Variants in MEG3 observed in about 807,000 individuals in gnomAD.
MEG3 encodes the protein maternally expressed 3.
chr14:100,842,448 C>T (rs1031330990), intron 2 of MEG3, among the ~76,000 whole-genome samples: 1 of 152,198 alleles, frequency 6.6e-6, no homozygotes, highest in African/African-American at 2.4e-5. Flanking sequence ...CCAATTACCT[C>T]TCCTATTTTC....
intron 2 of MEG3, among the ~76,000 whole-genome samples, chr14:100,842,580 A>G (rs1197966384): frequency 6.6e-6 from 1 of 152,222 alleles, no homozygotes; most frequent in Non-Finnish European, 1.5e-5. Context: ...ACAGGTAGGA[A>G]GTACGAGATC....
intron 2 of MEG3, among the ~76,000 whole-genome samples, chr14:100,844,693 T>C (rs913395311): frequency 1.3e-5 from 2 of 152,222 alleles, no homozygotes; most frequent in East Asian, 1.9e-4. Flanking sequence ...CCTGTGGGTC[T>C]TGACAAATGT....
Position 100,845,662 on chromosome 14 carries a change from G to A in MEG3, n.3121+129G>A, listed in dbSNP as rs558834311. 15 of 343,052 alleles carry A rather than the reference G, an allele frequency of 4.4e-5. No individual in the cohort carries two copies. The highest frequency in any genetic ancestry group is 1.9e-4 in the African/African-American group (9 of 46,232). 21.3% of individuals were successfully genotyped at this position (343,052 alleles called of 1,614,324 possible). On this transcript the variant is annotated intron_variant and non_coding_transcript_variant, in intron 3 of 3. Coordinates refer to the MEG3 transcript ENST00000398461. This position sits in a 1 kb window ranked among gnomAD's most constrained non-coding sequence, Gnocchi z 5.2. ...GGCACTGGCCGGGGGTCTGTGCACC[G>A]GGAGGTGGGTGCCCATCGAGTCAAG... is the stretch of plus-strand genomic sequence containing the variant.
chr14:100,827,599 GGAGA>G (rs973749970), intron 1 of MEG3: 1 of 152,588 alleles, frequency 6.6e-6, no homozygotes, highest in East Asian at 1.9e-4. Flanking sequence ...TGAGCAGGAT[GGAGA>G]GAGAGGCTGT....
upstream of MEG3, chr14:100,854,681 C>T (rs2038184603): frequency 6.6e-6 from 1 of 152,494 alleles, no homozygotes; most frequent in African/African-American, 2.4e-5. Flanking sequence ...ATCCTAGCAC[C>T]CTGTACAATC....
chr14:100,845,703 G>T lies in MEG3; in HGVS notation n.3121+170G>T, dbSNP rs1398522063. ...TCGAGTCAAGCCAAGTGCAGACCTG[G>T]GGGCTCCTGTTTTCTAAGACAGGAG... On this transcript the variant is annotated intron_variant and non_coding_transcript_variant, in intron 3 of 3. Transcript: ENST00000398461. This position sits in a 1 kb window ranked among gnomAD's most constrained non-coding sequence, Gnocchi z 5.2. 3.8e-5 allele frequency: 10 copies of T among 260,548 alleles called. No homozygotes were observed. In the East Asian group the frequency reaches 1.3e-3, roughly 33 times the overall value. 16.1% of individuals were successfully genotyped at this position (260,548 alleles called of 1,614,324 possible).
exon 1 of MEG3, chr14:100,834,766 GGACTC>G (rs1203014873): frequency 2.2e-6 from 1 of 456,530 alleles, no homozygotes; most frequent in Non-Finnish European, 4.4e-6. Flanking sequence ...GTGAATGAAA[GGACTC>G]GACCACCACA....
intron 2 of MEG3, among the ~76,000 whole-genome samples, chr14:100,841,366 G>A (rs34337125): frequency 0.38 from 57,152 of 152,130 alleles, 10,929 homozygotes; most frequent in Admixed American, 0.4. Context: ...CAGTTTTCCC[G>A]TCTACGAAAT....
At chr14:100,849,475 G>A (rs2038007385) in intron 3 of MEG3, 1 of 152,226 alleles carries the variant, frequency 6.6e-6, no homozygotes, top group African/African-American at 2.4e-5. Context: ...GCACAGCCAG[G>A]AAGGAGCTGC....
chr14:100,857,164 T>C (rs766962595), upstream of MEG3: 1 of 152,260 alleles, frequency 6.6e-6, no homozygotes, highest in East Asian at 1.9e-4. Flanking sequence ...CGGACGTTTG[T>C]ATGCCACGTT....
At chr14:100,847,871 G>C (rs1462900748) in intron 3 of MEG3, 1 of 152,178 alleles carries the variant, frequency 6.6e-6, no homozygotes, top group Admixed American at 6.5e-5. Context: ...TGTCATAAGG[G>C]CACCTGACTC....
At chr14:100,858,303 G>C (rs879723785) in exon 1 of MEG3, 1 of 152,920 alleles carries the variant, frequency 6.5e-6, no homozygotes, top group African/African-American at 2.4e-5. Flanking sequence ...CGTTAGAGGA[G>C]GTGCTGCTGC....
At chr14:100,834,407 A>G (rs1053290243) in exon 1 of MEG3, 1 of 268,026 alleles carries the variant, frequency 3.7e-6, no homozygotes, top group South Asian at 4.2e-5. Flanking sequence ...TTTTGTGCCC[A>G]AGGCTCCTGG....
At chr14:100,852,414 TAC>T, upstream of MEG3, 1 of 534,520 alleles carries the variant, frequency 1.9e-6, no homozygotes, top group Admixed American at 1.9e-5. Flanking sequence ...GAGCCTCCAG[TAC>T]CACGTGTCAG....
chr14:100,859,627 G>A (rs1012807257), exon 1 of MEG3: 3 of 152,150 alleles, frequency 2.0e-5, no homozygotes, highest in African/African-American at 7.2e-5. Flanking sequence ...GCCAGGTTCG[G>A]GACGCAGCTT....
chr14:100,832,910 G>A (rs781512700), downstream of MEG3: 1 of 152,210 alleles, frequency 6.6e-6, no homozygotes, highest in Non-Finnish European at 1.5e-5. Flanking sequence ...GCTGAGGACT[G>A]GGGGGGCCAC....
intron 2 of MEG3, among the ~76,000 whole-genome samples, chr14:100,838,251 G>A (rs2037647700): frequency 6.6e-6 from 1 of 152,330 alleles, no homozygotes; most frequent in Admixed American, 6.5e-5. Flanking sequence ...GAGAGGCCCA[G>A]ATAGGACCAA....
At chr14:100,848,913 A>G (rs1388061455) in intron 3 of MEG3, 1 of 152,176 alleles carries the variant, frequency 6.6e-6, no homozygotes, top group Non-Finnish European at 1.5e-5. Flanking sequence ...ATATAATGAG[A>G]CAGTTTTACC....
chr14:100,829,999 C>T (rs956503761), downstream of MEG3: 1 of 152,168 alleles, frequency 6.6e-6, no homozygotes, highest in Non-Finnish European at 1.5e-5. Flanking sequence ...GTAGGGCTTA[C>T]ATTTACATTA....
Sources: gnomAD v4.1 joint callset for allele counts (sites outside exome capture counted in the v4.1 genomes callset) on GRCh38, gnomAD v4.1.1 for gene constraint, Gnocchi (gnomAD v3.1) non-coding constraint, MANE v1.5 for transcripts, NCBI Gene and HGNC (gene_info 2026-07-23, HGNC 2026-07-21) for gene names.